The following CACNA2D3 variants were observed in gnomAD, a reference collection of about 807,000 sequenced individuals.
CACNA2D3 encodes the protein calcium voltage-gated channel auxiliary subunit alpha2delta 3.
CACNA2D3 carries 60 observed loss-of-function variants against 160.6 expected under a neutral mutation model. The observed-to-expected ratio is 0.37, with a 90% CI of 0.30 to 0.46. The LOEUF (loss-of-function observed/expected upper bound fraction) is 0.46. Among genes scored for constraint, CACNA2D3 ranks in the 20% least tolerant of loss-of-function variants. The probability of loss-of-function intolerance (pLI) is 1.00; values close to 1 mark genes in which losing one functional copy is unlikely to be tolerated. For missense variants in CACNA2D3, 1,205 were observed against 1,365.0 expected (o/e 0.88, Z 1.85); for synonymous variants, 558 against 492.9 (o/e 1.13, Z -1.75).
chr3:54,858,389 C>T (rs1430762514), intron 17 of CACNA2D3, among the ~76,000 whole-genome samples: 1 of 151,968 alleles, frequency 6.6e-6, no homozygotes, highest in Non-Finnish European at 1.5e-5. Flanking sequence ...ACCATCTCAC[C>T]GGGGGTAGGA....
chr3:54,626,047 T>C (rs1699091226), intron 9 of CACNA2D3, among the ~76,000 whole-genome samples: 1 of 152,248 alleles, frequency 6.6e-6, no homozygotes, highest in South Asian at 2.1e-4. Flanking sequence ...GAGCTCATTC[T>C]TCCTGTTCCT....
At chr3:54,636,173 G>T (rs970658757) in intron 10 of CACNA2D3, among the ~76,000 whole-genome samples, 3 of 151,900 alleles carry the variant, frequency 2.0e-5, no homozygotes, top group African/African-American at 7.3e-5. Flanking sequence ...CAGGCTAGTG[G>T]CTAGTACTAT....
intron 27 of CACNA2D3, among the ~76,000 whole-genome samples, chr3:54,906,673 C>T (rs764910584): frequency 1.2e-4 from 19 of 152,152 alleles, no homozygotes; most frequent in Non-Finnish European, 2.6e-4. Flanking sequence ...GTAGCTGACC[C>T]AGGGAAAGTG....
At chr3:54,711,715 G>A (rs1350523377) in intron 11 of CACNA2D3, among the ~76,000 whole-genome samples, 1 of 152,174 alleles carries the variant, frequency 6.6e-6, no homozygotes, top group Non-Finnish European at 1.5e-5. Context: ...GGACAAAGTT[G>A]GGACTCTGGG....
At chr3:54,681,284 C>T (rs1348648887) in intron 11 of CACNA2D3, among the ~76,000 whole-genome samples, 5 of 150,548 alleles carry the variant, frequency 3.3e-5, no homozygotes, top group Non-Finnish European at 5.9e-5. Context: ...CACCTGTAAT[C>T]CCAGCACTTT....
At chr3:54,823,765 A>T (rs1703690995) in intron 14 of CACNA2D3, among the ~76,000 whole-genome samples, 1 of 152,170 alleles carries the variant, frequency 6.6e-6, no homozygotes, top group South Asian at 2.1e-4. Flanking sequence ...GTACAAACAG[A>T]TGTACAAAAC....
At chr3:54,349,457 C>G (rs1173811966) in intron 3 of CACNA2D3, among the ~76,000 whole-genome samples, 1 of 152,208 alleles carries the variant, frequency 6.6e-6, no homozygotes, top group Non-Finnish European at 1.5e-5. Context: ...CCCCATCTGT[C>G]ACACCTCCTC....
At chr3:54,740,499 T>A (rs1447498028) in intron 11 of CACNA2D3, among the ~76,000 whole-genome samples, 1 of 152,028 alleles carries the variant, frequency 6.6e-6, no homozygotes, top group Non-Finnish European at 1.5e-5. Flanking sequence ...TTAGAGTCCC[T>A]GGAAGGGCAA....
chr3:54,382,704 A>G (rs1192431806), intron 3 of CACNA2D3, among the ~76,000 whole-genome samples: 1 of 152,228 alleles, frequency 6.6e-6, no homozygotes, highest in Non-Finnish European at 1.5e-5. Context: ...GAATAGCTTG[A>G]ACCCAGGAGG....
intron 2 of CACNA2D3, among the ~76,000 whole-genome samples, chr3:54,149,259 T>C (rs1467794048): frequency 2.6e-5 from 3 of 113,548 alleles, no homozygotes; most frequent in African/African-American, 1.1e-4. Flanking sequence ...CAGCAAGGGG[T>C]CCCATGTGCA....
At chr3:54,785,990 G>A (rs1423400414) in intron 13 of CACNA2D3, among the ~76,000 whole-genome samples, 2 of 152,094 alleles carry the variant, frequency 1.3e-5, no homozygotes, top group African/African-American at 4.8e-5. Context: ...TTAGTTCCTG[G>A]GAGGTGAGCA....
intron 17 of CACNA2D3, among the ~76,000 whole-genome samples, chr3:54,848,708 G>A (rs982642689): frequency 6.6e-5 from 10 of 152,218 alleles, no homozygotes; most frequent in African/African-American, 2.4e-4. Flanking sequence ...ATAGTGGGAG[G>A]GACTCAATTC....
intron 2 of CACNA2D3, among the ~76,000 whole-genome samples, chr3:54,209,696 C>G (rs982245480): frequency 2.0e-5 from 3 of 152,196 alleles, no homozygotes; most frequent in Admixed American, 6.5e-5. Flanking sequence ...AACCTGGACT[C>G]AAGCAGTTCC....
intron 14 of CACNA2D3, among the ~76,000 whole-genome samples, chr3:54,818,126 A>G (rs955382848): frequency 1.2e-4 from 19 of 152,238 alleles, no homozygotes; most frequent in African/African-American, 4.3e-4. Context: ...ACTGATCCAT[A>G]TACAAAGTAT....
intron 12 of CACNA2D3, among the ~76,000 whole-genome samples, chr3:54,760,335 T>G (rs1161058157): frequency 6.6e-6 from 1 of 151,790 alleles, no homozygotes; most frequent in East Asian, 1.9e-4. Context: ...GCACAGGCCC[T>G]GAGGAGGGGA....
chr3:54,755,505 T>C (rs1701952751), intron 12 of CACNA2D3, among the ~76,000 whole-genome samples: 1 of 152,250 alleles, frequency 6.6e-6, no homozygotes, highest in South Asian at 2.1e-4. Context: ...TAACATATCC[T>C]TGAAGCTCTA....
chr3:54,734,988 C>A (rs748418651), intron 11 of CACNA2D3, among the ~76,000 whole-genome samples: 1 of 152,182 alleles, frequency 6.6e-6, no homozygotes. Context: ...TTGAGTGTAA[C>A]CATTAAGGCA....
intron 2 of CACNA2D3, among the ~76,000 whole-genome samples, chr3:54,133,845 C>T (rs1699765134): frequency 6.6e-6 from 1 of 152,092 alleles, no homozygotes; most frequent in Non-Finnish European, 1.5e-5. Context: ...CCAGTGTGGG[C>T]TCTTAAACTC....
chr3:54,973,975 G>A (rs1162854133), intron 29 of CACNA2D3, among the ~76,000 whole-genome samples: 1 of 152,166 alleles, frequency 6.6e-6, no homozygotes, highest in Admixed American at 6.5e-5. Context: ...TAGTGTGTGT[G>A]TGTGTTTCTC....
Sources: gnomAD v4.1 joint callset for allele counts (sites outside exome capture counted in the v4.1 genomes callset) on GRCh38, gnomAD v4.1.1 for gene constraint, MANE v1.5 for transcripts, NCBI Gene and HGNC (gene_info 2026-07-23, HGNC 2026-07-21) for gene names.